The following KEAP1 variants were observed in gnomAD, a reference collection of about 807,000 sequenced individuals.
The protein encoded by KEAP1 is kelch like ECH associated protein 1, also known as kelch-like ECH-associated protein 1.
In KEAP1, 26 loss-of-function variants were observed where a neutral mutation model predicts 59.7. That is an observed-to-expected ratio of 0.44 (90% CI 0.32 to 0.60). The LOEUF is 0.60. Among genes scored for constraint, KEAP1 ranks in the 20% least tolerant of loss-of-function variants. The pLI is 0.06. For synonymous variants in KEAP1, 350 were observed against 358.3 expected, an observed-to-expected ratio of 0.98 and a Z score of 0.26; for missense variants, 539 against 871.4, an observed-to-expected ratio of 0.62 and a Z score of 4.80.
In KEAP1 at chr19:10,500,068, G is replaced by A. The variant is rs1474812101; in HGVS notation, c.-35C>T. 6.6e-7 allele frequency: 1 copy of A among 1,522,422 alleles called. No individual in the cohort carries two copies. Among genetic ancestry groups the A allele is most frequent in the Non-Finnish European group, 8.8e-7 (1 of 1,135,658 alleles). 94.3% of individuals were successfully genotyped at this position (1,522,422 alleles called of 1,614,324 possible). ...GAAGATAAGCAACACCACCACCTCTGGCACTCAGGGACCTGGAGGGGAGAG... is the reference window on the plus strand; with the variant it reads ...GAAGATAAGCAACACCACCACCTCTAGCACTCAGGGACCTGGAGGGGAGAG... On this transcript the variant is annotated 5_prime_UTR_variant, in exon 2 of 6. Transcript: ENST00000171111.
chr19:10,489,119 AAGG>A (rs2144585334), intron 5 of KEAP1, 70 bp downstream of exon 5: 11 of 1,023,000 alleles, frequency 1.1e-5, no homozygotes, highest in South Asian at 9.3e-5. Context: ...AAAAAAAAAA[AAGG>A]AAAGCAAAAG....
chr19:10,496,111 C>A (rs1248448741), intron 2 of KEAP1, among the ~76,000 whole-genome samples: 1 of 150,818 alleles, frequency 6.6e-6, no homozygotes, highest in East Asian at 2.0e-4. Context: ...ATCACTTGAG[C>A]CCAGGAGCTG....
intron 4 of KEAP1, 68 bp downstream of exon 4, chr19:10,489,580 G>A (rs1914597173): frequency 6.4e-7 from 1 of 1,558,980 alleles, no homozygotes; most frequent in Non-Finnish European, 8.8e-7. Flanking sequence ...TCCCAGGCCT[G>A]GCTCAGTTTC....
intron 2 of KEAP1, among the ~76,000 whole-genome samples, chr19:10,494,536 C>T (rs192951369): frequency 1.3e-5 from 2 of 150,734 alleles, no homozygotes; most frequent in Non-Finnish European, 2.9e-5. Flanking sequence ...GGGATTTCAC[C>T]GTGTTAACCA....
Position 10,486,299 on chromosome 19 carries a change from C to T in KEAP1, c.*353G>A, listed in dbSNP as rs1392106881. The T allele has an allele frequency of 3.8e-6, 1 of 262,052 alleles. No individual in the cohort carries two copies. Among genetic ancestry groups the T allele is most frequent in the African/African-American group, 2.2e-5 (1 of 45,912 alleles). The allele number at this position is 262,052 out of a possible 1,614,324, so 16.2% of individuals were successfully genotyped here. Reference sequence around the variant, plus strand: ...CTCCCCCTGAGGCCCCCATTGGCCCCCTCCCAGGTATCCAAGAATAAATCA... The same window carrying T: ...CTCCCCCTGAGGCCCCCATTGGCCCTCTCCCAGGTATCCAAGAATAAATCA... On this transcript the variant is annotated 3_prime_UTR_variant, in exon 6 of 6. Transcript: ENST00000171111.
chr19:10,500,015 G>C lies in KEAP1; in HGVS notation c.19C>G (p.Pro7Ala), dbSNP rs1914987783. The change falls in exon 2 of 6, where the codon CCT (proline) becomes GCT (alanine). Residue 7 changes from proline (P) to alanine (A), a missense_variant. Pro to Ala is a conservative substitution (Grantham distance 27). This residue lies in a region of KEAP1 where 166 missense variants were observed against 295.8 expected (regional missense o/e 0.56). Transcript: ENST00000171111. ...CGGCAGCAGGCCCCAGCCCCGCTAGGCCTGGGATCTGGCTGCATGGGGTTC... is the reference window on the plus strand; with the variant it reads ...CGGCAGCAGGCCCCAGCCCCGCTAGCCCTGGGATCTGGCTGCATGGGGTTC... MQPDPR[P>A]SGAGACCRFL... 6.4e-7 allele frequency: 1 copy of C among 1,557,396 alleles called. No homozygotes were observed. Among genetic ancestry groups the C allele is most frequent in the Non-Finnish European group, 8.7e-7 (1 of 1,149,286 alleles).
intron 1 of KEAP1, 70 bp from the exon 2 acceptor site, chr19:10,500,150 T>C: frequency 2.6e-6 from 3 of 1,168,274 alleles, no homozygotes; most frequent in Non-Finnish European, 3.5e-6. Flanking sequence ...GGCCTCGTTT[T>C]GCAAGATAAA....
In KEAP1 at chr19:10,499,578, G is replaced by A. The variant is rs1310560623; in HGVS notation, c.456C>T (p.Val152=). ...TGACAGCACCGTTCATGACGTGGAGGACACACTTCTCGCCCATGGAGATGG... is the reference window on the plus strand; with the variant it reads ...TGACAGCACCGTTCATGACGTGGAGAACACACTTCTCGCCCATGGAGATGG... ...TASISMGEKC[V]LHVMNGAVMY... The change falls in exon 2 of 6, where the codon GTC becomes GTT. Residue 152 remains valine (V), a synonymous_variant. Coordinates refer to ENST00000171111, the MANE Select transcript of KEAP1 (RefSeq NM_203500.2). This position sits in a 1 kb window ranked among gnomAD's most constrained non-coding sequence, Gnocchi z 6.7. 1 of 1,614,028 alleles carries A rather than the reference G, an allele frequency of 6.2e-7. No homozygotes were observed. Among genetic ancestry groups the A allele is most frequent in the East Asian group, 2.2e-5 (1 of 44,900 alleles).
rs530931137 is a variant in KEAP1, at chr19:10,489,655, G to A, written c.1524C>T (p.Ser508=). ...RMITAMNTIR[S]GAGVCVLHNC... ...CCTACCGTCCCCACCCACCTGCCCCGCTTCGGATGGTGTTCATTGCTGTGA... is the reference window on the plus strand; with the variant it reads ...CCTACCGTCCCCACCCACCTGCCCCACTTCGGATGGTGTTCATTGCTGTGA... Residue 508 remains serine (S), a synonymous_variant, in exon 4 of 6, where the codon AGC becomes AGT. Coordinates refer to ENST00000171111, the MANE Select transcript of KEAP1 (RefSeq NM_203500.2). 2.1e-5 allele frequency: 34 copies of A among 1,613,666 alleles called. No homozygotes were observed. The East Asian group carries it at 2.7e-4, about 13-fold the overall frequency.
At chr19:10,501,936 A>G (rs1008306271) in intron 1 of KEAP1, among the ~76,000 whole-genome samples, 1 of 152,054 alleles carries the variant, frequency 6.6e-6, no homozygotes, top group African/African-American at 2.4e-5. Context: ...CTGGGACTCA[A>G]CTCAAAGTCT....
chr19:10,496,218 A>G (rs1365172684), intron 2 of KEAP1, among the ~76,000 whole-genome samples: 1 of 148,576 alleles, frequency 6.7e-6, no homozygotes, highest in African/African-American at 2.5e-5. Context: ...AAAAAAGGCC[A>G]GGTGCGGTGG....
intron 2 of KEAP1, among the ~76,000 whole-genome samples, chr19:10,497,025 G>A (rs964365273): frequency 6.6e-6 from 1 of 151,770 alleles, no homozygotes; most frequent in Admixed American, 6.6e-5. Flanking sequence ...TTGGGAGGCT[G>A]AGGCAGGAGA....
Position 10,491,782 on chromosome 19 carries a change from ACAGCCCGCCCACCACGCAGCCGGC to A in KEAP1, c.1096_1119del (p.Ala366_Leu373del). 1 of 1,583,872 alleles carries A rather than the reference ACAGCCCGCCCACCACGCAGCCGGC, an allele frequency of 6.3e-7. No individual in the cohort carries two copies. The highest frequency in any genetic ancestry group is 1.1e-5 in the South Asian group (1 of 88,228). Reference sequence around the variant, plus strand: ...TTGTTCCTGCCGCCCACGGCGTACAACAGCCCGCCCACCACGCAGCCGGCCAGGCCGCTCCGCGGCACCTGCAGG... The same window carrying A: ...TTGTTCCTGCCGCCCACGGCGTACAACAGGCCGCTCCGCGGCACCTGCAGG... On this transcript the variant is annotated inframe_deletion, in exon 3 of 6. Transcript: ENST00000171111. The surrounding 1 kb of genome is among the most constrained non-coding windows in gnomAD (Gnocchi z 5.2).
intron 1 of KEAP1, among the ~76,000 whole-genome samples, chr19:10,501,487 G>A (rs1156518339): frequency 6.6e-6 from 1 of 151,964 alleles, no homozygotes; most frequent in African/African-American, 2.4e-5. Flanking sequence ...AAAATTAGCC[G>A]GGTGTGGCGG....
intron 5 of KEAP1, among the ~76,000 whole-genome samples, chr19:10,487,587 C>A (rs112350143): frequency 0.15 from 23,483 of 151,832 alleles, 1,974 homozygotes; most frequent in Middle Eastern, 0.22. Context: ...ACCCGGGAGG[C>A]GGAGGTTGCA....
chr19:10,496,569 AG>A (rs1211253347), intron 2 of KEAP1, among the ~76,000 whole-genome samples: 1 of 151,548 alleles, frequency 6.6e-6, no homozygotes, highest in East Asian at 1.9e-4. Context: ...TGGGAGGCTG[AG>A]GTGGGCGGAT....
chr19:10,495,564 G>A (rs1431161907), intron 2 of KEAP1, among the ~76,000 whole-genome samples: 1 of 152,020 alleles, frequency 6.6e-6, no homozygotes, highest in Admixed American at 6.6e-5. Context: ...CAGCTGTGGT[G>A]GTGGGCACCT....
At position 10,486,552 on chromosome 19, in the gene KEAP1, G is replaced by A; in HGVS notation, c.*100C>T. 8.4e-7 allele frequency: 1 copy of A among 1,189,800 alleles called. No individual in the cohort carries two copies. The highest frequency in any genetic ancestry group is 1.2e-6 in the Non-Finnish European group (1 of 829,256). The allele number at this position is 1,189,800 out of a possible 1,614,324, so 73.7% of individuals were successfully genotyped here. On this transcript the variant is annotated 3_prime_UTR_variant, in exon 6 of 6. Transcript: ENST00000171111. ...TCCTGGCCTCCCTTCCCGGAAGATG[G>A]GTTATTTGCAGTGCTGTCTTTTCTT...
At chr19:10,493,686 C>T (rs879622680) in intron 2 of KEAP1, among the ~76,000 whole-genome samples, 7 of 151,458 alleles carry the variant, frequency 4.6e-5, no homozygotes, top group African/African-American at 1.2e-4. Flanking sequence ...CTCAGCCTCC[C>T]GAGTAGCTGG....
Sources: gnomAD v4.1 joint callset for allele counts (sites outside exome capture counted in the v4.1 genomes callset) on GRCh38, gnomAD v4.1.1 for gene constraint, gnomAD v4.1.1 regional missense constraint, Gnocchi (gnomAD v3.1) non-coding constraint, MANE v1.5 for transcripts, NCBI Gene and HGNC (gene_info 2026-07-23, HGNC 2026-07-21) for gene names.